The following ANTXR1 variants were observed in gnomAD, a reference collection of about 807,000 sequenced individuals.
ANTXR1 encodes the protein ANTXR cell adhesion molecule 1.
Under a neutral mutation model 78.1 loss-of-function variants are expected in ANTXR1, and 19 were observed. That is an observed-to-expected ratio of 0.24 (90% CI 0.17 to 0.36). ANTXR1 has a LOEUF of 0.36. Ranked by LOEUF, ANTXR1 falls within the 10% of genes least tolerant of loss-of-function variation. The probability of loss-of-function intolerance (pLI) is 1.00; values close to 1 mark genes in which losing one functional copy is unlikely to be tolerated. For missense variants in ANTXR1, 518 were observed against 718.6 expected (o/e 0.72, Z 3.19); for synonymous variants, 273 against 260.5 (o/e 1.05, Z -0.46).
chr2:69,165,471 C>T (rs1312008197), intron 13 of ANTXR1, among the ~76,000 whole-genome samples: 2 of 152,230 alleles, frequency 1.3e-5, no homozygotes, highest in Non-Finnish European at 2.9e-5. Context: ...AACAATGAGC[C>T]TGTCTATACA....
rs570727522 is a variant in ANTXR1 at position 69,206,465 on chromosome 2, T to C, written c.1434+13050T>C. On this transcript the variant is annotated intron_variant, in intron 17 of 17. Coordinates refer to ENST00000303714, the MANE Select transcript of ANTXR1 (RefSeq NM_032208.3). ...GGAAAGTCCACCGTGGAATCATCTGTGTTTCTATGCAACAAAATTATTTTC... is the reference window on the plus strand; with the variant it reads ...GGAAAGTCCACCGTGGAATCATCTGCGTTTCTATGCAACAAAATTATTTTC... Among the ~76,000 whole-genome samples the C allele has an allele frequency of 2.6e-5, 4 of 152,340 alleles. No individual in the cohort carries two copies. The East Asian group carries it at 5.8e-4, about 22-fold the overall frequency.
At chr2:69,128,704 T>C (rs1573913019) in intron 12 of ANTXR1, among the ~76,000 whole-genome samples, 1 of 152,208 alleles carries the variant, frequency 6.6e-6, no homozygotes, top group East Asian at 1.9e-4. Context: ...GTGGAACGTG[T>C]GGGTATCCAA....
intron 8 of ANTXR1, among the ~76,000 whole-genome samples, chr2:69,084,599 T>G (rs1250339992): frequency 4.0e-5 from 6 of 149,638 alleles, no homozygotes; most frequent in Admixed American, 2.7e-4. Context: ...AAGTTTTTTT[T>G]TTTTTTTTTT....
chr2:69,219,778 A>G (rs762005940), intron 17 of ANTXR1, among the ~76,000 whole-genome samples: 9 of 152,172 alleles, frequency 5.9e-5, no homozygotes, highest in Admixed American at 2.0e-4. Flanking sequence ...GATGCTTATG[A>G]TCAAGTCATT....
At chr2:69,162,104 G>A (rs1026190416) in intron 13 of ANTXR1, among the ~76,000 whole-genome samples, 6 of 152,154 alleles carry the variant, frequency 3.9e-5, no homozygotes, top group African/African-American at 1.4e-4. Flanking sequence ...GGAAAAAATA[G>A]AATAGAAGTT....
intron 13 of ANTXR1, 103 bp downstream of exon 13, chr2:69,152,367 C>A: frequency 1.7e-6 from 2 of 1,177,192 alleles, no homozygotes; most frequent in Non-Finnish European, 1.3e-6. Context: ...AGATGGGAGA[C>A]AAATCTTGCA....
intron 13 of ANTXR1, among the ~76,000 whole-genome samples, chr2:69,165,553 G>T (rs1389526023): frequency 6.6e-6 from 1 of 152,276 alleles, no homozygotes; most frequent in African/African-American, 2.4e-5. Context: ...ATGTGAAGTT[G>T]TGGTGGAGGA....
chr2:69,182,951 G>T, intron 16 of ANTXR1: 1 of 378,574 alleles, frequency 2.6e-6, no homozygotes, highest in Non-Finnish European at 4.7e-6. Flanking sequence ...GGGCAAGGAT[G>T]ACATGCAAAT....
At chr2:69,196,284 C>T (rs1485644358) in intron 17 of ANTXR1, among the ~76,000 whole-genome samples, 1 of 152,218 alleles carries the variant, frequency 6.6e-6, no homozygotes, top group Non-Finnish European at 1.5e-5. Flanking sequence ...TTTGAACACA[C>T]TCTCAACACT....
intron 2 of ANTXR1, among the ~76,000 whole-genome samples, chr2:69,040,410 A>T (rs958503165): frequency 6.6e-6 from 1 of 152,178 alleles, no homozygotes. Flanking sequence ...TTTTTCTTGC[A>T]CACTGCATCA....
At chr2:69,229,383 C>G (rs996300881) in intron 17 of ANTXR1, among the ~76,000 whole-genome samples, 1 of 152,172 alleles carries the variant, frequency 6.6e-6, no homozygotes. Context: ...AAACCTTCAT[C>G]CATGAGCTTG....
chr2:69,019,749 C>T (rs1671130619), intron 1 of ANTXR1, among the ~76,000 whole-genome samples: 1 of 152,186 alleles, frequency 6.6e-6, no homozygotes, highest in Non-Finnish European at 1.5e-5. Flanking sequence ...CACCCTCCGA[C>T]AGGCCCCAGT....
intron 16 of ANTXR1, among the ~76,000 whole-genome samples, chr2:69,189,191 G>A (rs1231563690): frequency 6.6e-6 from 1 of 152,174 alleles, no homozygotes; most frequent in Non-Finnish European, 1.5e-5. Flanking sequence ...GGGACAATCA[G>A]AACTCAGAAT....
intron 3 of ANTXR1, among the ~76,000 whole-genome samples, chr2:69,055,657 G>A (rs1670046396): frequency 6.6e-6 from 1 of 152,202 alleles, no homozygotes; most frequent in Admixed American, 6.5e-5. Flanking sequence ...TCTTAAAAAT[G>A]TGCATGCATG....
intron 9 of ANTXR1, among the ~76,000 whole-genome samples, chr2:69,094,773 C>T (rs1235901044): frequency 1.3e-5 from 2 of 152,226 alleles, no homozygotes; most frequent in East Asian, 3.8e-4. Flanking sequence ...AAATCTAGCA[C>T]AGGCCTTTAT....
intron 10 of ANTXR1, among the ~76,000 whole-genome samples, chr2:69,107,744 AT>A (rs1344467880): frequency 6.6e-6 from 1 of 152,334 alleles, no homozygotes; most frequent in Non-Finnish European, 1.5e-5. Context: ...CAGAGGGGGA[AT>A]TTGTTCCTCA....
intron 3 of ANTXR1, among the ~76,000 whole-genome samples, chr2:69,054,968 G>A (rs1444754075): frequency 6.6e-6 from 1 of 152,082 alleles, no homozygotes; most frequent in Non-Finnish European, 1.5e-5. Context: ...GAGTCCATAG[G>A]CAAGTGTCTT....
intron 12 of ANTXR1, among the ~76,000 whole-genome samples, chr2:69,148,488 T>C (rs1024228466): frequency 6.6e-6 from 1 of 152,220 alleles, no homozygotes; most frequent in Non-Finnish European, 1.5e-5. Context: ...GTTTAAATTC[T>C]GGCTTCTCCA....
At chr2:69,133,534 G>A (rs1163322374) in intron 12 of ANTXR1, among the ~76,000 whole-genome samples, 1 of 152,200 alleles carries the variant, frequency 6.6e-6, no homozygotes, top group Non-Finnish European at 1.5e-5. Context: ...TTTGAGGGAA[G>A]CACAATGCAT....
Sources: allele counts gnomAD v4.1 joint callset (sites outside exome capture counted in the v4.1 genomes callset), GRCh38; gene constraint gnomAD v4.1.1; transcripts MANE v1.5; gene names NCBI Gene and HGNC (gene_info 2026-07-23, HGNC 2026-07-21).